ANKFN1: variants seen among roughly 807,000 people sequenced by gnomAD.
ANKFN1 encodes ankyrin repeat and fibronectin type-III domain-containing protein 1.
Under a neutral mutation model 108.7 loss-of-function variants are expected in ANKFN1, and 74 were observed. The observed-to-expected ratio is 0.68, with a 90% CI of 0.56 to 0.83. The LOEUF (loss-of-function observed/expected upper bound fraction) is 0.83. Among genes scored for constraint, ANKFN1 ranks in the 40% least tolerant of loss-of-function variants. ANKFN1 has a pLI of 0.00. For synonymous variants in ANKFN1, 547 were observed against 516.2 expected, an observed-to-expected ratio of 1.06 and a Z score of -0.81; for missense variants, 1,505 against 1,382.3, an observed-to-expected ratio of 1.09 and a Z score of -1.41.
intron 1 of ANKFN1, among the ~76,000 whole-genome samples, chr17:56,174,971 ATC>A (rs981750004): frequency 3.3e-5 from 5 of 152,054 alleles, no homozygotes; most frequent in Admixed American, 6.6e-5. Flanking sequence ...GGAGTTAATT[ATC>A]TCTCTCTGTG....
At chr17:56,137,614 C>T (rs1907673450) in intron 4 of ANKFN1, among the ~76,000 whole-genome samples, 1 of 151,962 alleles carries the variant, frequency 6.6e-6, no homozygotes, top group African/African-American at 2.4e-5. Context: ...AATAATGAGT[C>T]ATATACTAGT....
At chr17:56,393,824 A>G (rs1438386675) in intron 8 of ANKFN1, among the ~76,000 whole-genome samples, 1 of 152,200 alleles carries the variant, frequency 6.6e-6, no homozygotes, top group Non-Finnish European at 1.5e-5. Flanking sequence ...TTTTCTAGTC[A>G]CCACAAATGC....
chr17:56,372,175 T>G (rs533387164), intron 6 of ANKFN1, among the ~76,000 whole-genome samples: 39 of 152,348 alleles, frequency 2.6e-4, no homozygotes, highest in African/African-American at 8.7e-4. Flanking sequence ...GGCAGAAAAT[T>G]TGAATCAGGT....
At position 56,204,847 on chromosome 17, in the gene ANKFN1, G is replaced by A. The variant is rs182395952; in HGVS notation, c.-70-7751G>A. Among the ~76,000 whole-genome samples the A allele has an allele frequency of 9.9e-4, 151 of 152,170 alleles. 1 individual carries two copies. The highest frequency in any genetic ancestry group is 1.8e-3 in the Non-Finnish European group (125 of 68,002). On this transcript the variant is annotated intron_variant, in intron 1 of 20. Transcript: ENST00000682825. The stretch of plus-strand genomic sequence containing the variant: ...TCCCAGCACTTTGTGAGGCCGAGGT[G>A]GGCGGATCACGAGGTCAGGAGATCG...
chr17:56,064,282 G>A (rs980866841), intron 4 of ANKFN1, among the ~76,000 whole-genome samples: 3 of 152,192 alleles, frequency 2.0e-5, no homozygotes, highest in African/African-American at 7.2e-5. Flanking sequence ...CTGTGCTGGG[G>A]GAAAACCCAC....
At chr17:56,187,343 C>G (rs1309845993) in intron 1 of ANKFN1, among the ~76,000 whole-genome samples, 2 of 152,194 alleles carry the variant, frequency 1.3e-5, no homozygotes, top group Non-Finnish European at 2.9e-5. Context: ...AAATGCTCAT[C>G]ATCACTGGCC....
At position 56,510,498 on chromosome 17, in the gene ANKFN1, A is replaced by C; in HGVS notation, c.2670A>C (p.Glu890Asp). The C allele has an allele frequency of 3.3e-6, 5 of 1,536,144 alleles. No homozygotes were observed. The highest frequency in any genetic ancestry group is 4.4e-6 in the Non-Finnish European group (5 of 1,146,902). Residue 890 changes from glutamate to aspartate, a missense_variant, in exon 21 of 21, where the codon GAA becomes GAC. Coordinates refer to ENST00000682825, the MANE Select transcript of ANKFN1 (RefSeq NM_001370326.1). ...ATTCACAGCCCTGCTCTGATGAAGA[A>C]GCCTGCTCAGAAGTCTTCCTCCCCA... ...VSDSQPCSDE[E>D]ACSEVFLPTN...
chr17:56,240,281 A>T (rs544280987), intron 3 of ANKFN1, among the ~76,000 whole-genome samples: 1 of 152,110 alleles, frequency 6.6e-6, no homozygotes, highest in Non-Finnish European at 1.5e-5. Context: ...TTAAGTTTTC[A>T]TAAATGATAC....
At chr17:56,173,297 C>T (rs890409489) in intron 1 of ANKFN1, among the ~76,000 whole-genome samples, 8 of 152,134 alleles carry the variant, frequency 5.3e-5, no homozygotes, top group Admixed American at 6.5e-5. Context: ...GCCTTCTGTT[C>T]CCCCTGCATA....
At chr17:56,439,732 T>C (rs1488761148) in intron 8 of ANKFN1, among the ~76,000 whole-genome samples, 1 of 152,170 alleles carries the variant, frequency 6.6e-6, no homozygotes, top group Non-Finnish European at 1.5e-5. Context: ...AGGAGGCTTC[T>C]TTATTTGGAG....
At chr17:56,154,175 A>T (rs1908865026) in intron 1 of ANKFN1, among the ~76,000 whole-genome samples, 1 of 152,120 alleles carries the variant, frequency 6.6e-6, no homozygotes, top group African/African-American at 2.4e-5. Context: ...AAGACCTCAA[A>T]TGTGCCTTTG....
At chr17:56,310,571 C>T (rs1598389864) in intron 3 of ANKFN1, among the ~76,000 whole-genome samples, 2 of 150,088 alleles carry the variant, frequency 1.3e-5, no homozygotes, top group Non-Finnish European at 1.5e-5. Context: ...GAGCCGAGAT[C>T]GAGCCACTGC....
chr17:56,285,865 G>A (rs1598353633), intron 3 of ANKFN1, among the ~76,000 whole-genome samples: 1 of 142,680 alleles, frequency 7.0e-6, no homozygotes, highest in East Asian at 2.1e-4. Flanking sequence ...TGATGATGAT[G>A]ATGATGATCA....
At chr17:56,449,929 CTGAGAAGGCTTTA>C (rs1461331767) in intron 11 of ANKFN1, among the ~76,000 whole-genome samples, 16 of 152,196 alleles carry the variant, frequency 1.1e-4, no homozygotes, top group African/African-American at 3.9e-4. Flanking sequence ...CAGAGAATCT[CTGAGAAGGCTTTA>C]AAAGCTTCTT....
chr17:56,169,744 G>C (rs1910480548), intron 1 of ANKFN1, among the ~76,000 whole-genome samples: 2 of 152,222 alleles, frequency 1.3e-5, no homozygotes, highest in African/African-American at 4.8e-5. Flanking sequence ...TGAGGGCTTA[G>C]TGTAGAGATG....
At chr17:56,470,195 G>T (rs578008394) in intron 15 of ANKFN1, among the ~76,000 whole-genome samples, 41 of 152,238 alleles carry the variant, frequency 2.7e-4, no homozygotes, top group Non-Finnish European at 4.4e-4. Context: ...TCATTGATGG[G>T]CATTTGAGTT....
intron 18 of ANKFN1, among the ~76,000 whole-genome samples, chr17:56,488,081 G>T (rs188992437): frequency 6.6e-6 from 1 of 152,300 alleles, no homozygotes. Context: ...GCAAAGAAAA[G>T]ATTTTAAGAA....
chr17:56,382,859 G>T (rs188776911), intron 8 of ANKFN1, among the ~76,000 whole-genome samples: 333 of 152,248 alleles, frequency 2.2e-3, no homozygotes, highest in African/African-American at 7.1e-3. Context: ...AAGAGACTTA[G>T]ACTCCCACAC....
At chr17:56,448,971 C>T (rs2049388863) in intron 10 of ANKFN1, 108 bp from the exon 11 acceptor site, 2 of 840,510 alleles carry the variant, frequency 2.4e-6, no homozygotes, top group Admixed American at 2.2e-5. Flanking sequence ...GGTGCTCATC[C>T]GCAGAGACTG....
Sources: allele counts gnomAD v4.1 joint callset (sites outside exome capture counted in the v4.1 genomes callset), GRCh38; gene constraint gnomAD v4.1.1; transcripts MANE v1.5; gene names NCBI Gene and HGNC (gene_info 2026-07-23, HGNC 2026-07-21).